The following CHST8 variants were observed in gnomAD, a reference collection of about 807,000 sequenced individuals.
CHST8 encodes GALNAC-4-ST1.
A neutral mutation model predicts 15.0 loss-of-function variants in CHST8; 10 were observed. The ratio of observed to expected loss-of-function variants is 0.67; its 90% CI spans 0.41 to 1.13. The LOEUF (loss-of-function observed/expected upper bound fraction) is 1.13. Ranked by LOEUF, CHST8 falls within the 50% of genes most tolerant of loss-of-function variation. The pLI, the probability that CHST8 is intolerant of heterozygous loss-of-function variation, is 0.00. For synonymous variants in CHST8, 259 were observed against 256.6 expected (o/e 1.01, Z -0.09); for missense variants, 634 against 608.2 (o/e 1.04, Z -0.45).
chr19:33,742,225 T>A (rs188927319), intron 3 of CHST8, among the ~76,000 whole-genome samples: 1 of 152,314 alleles, frequency 6.6e-6, no homozygotes, highest in East Asian at 1.9e-4. Context: ...TCTCCTTTGG[T>A]CACTGAGTTC....
At chr19:33,758,922 C>G (rs917076422) in intron 3 of CHST8, among the ~76,000 whole-genome samples, 11 of 146,884 alleles carry the variant, frequency 7.5e-5, no homozygotes, top group African/African-American at 2.8e-4. Flanking sequence ...GGTTTCTTGG[C>G]GGGGGGGGGC....
intron 3 of CHST8, among the ~76,000 whole-genome samples, chr19:33,730,540 T>C (rs1181172625): frequency 6.6e-6 from 1 of 152,234 alleles, no homozygotes; most frequent in Non-Finnish European, 1.5e-5. Context: ...CTCGAGTTCA[T>C]TGGATGTGTT....
intron 3 of CHST8, among the ~76,000 whole-genome samples, chr19:33,709,183 C>A (rs1266171339): frequency 6.6e-6 from 1 of 152,188 alleles, no homozygotes; most frequent in Non-Finnish European, 1.5e-5. Flanking sequence ...TTTACATCGT[C>A]ATTTCCAGCT....
In CHST8 at chr19:33,682,200, T is replaced by G. The variant is rs560554976; in HGVS notation, c.-86-6976T>G. On this transcript the variant is annotated intron_variant, in intron 2 of 4. Transcript: ENST00000650847. ...GTTTTTGTTGTTGTTTTTTTTTTTT[T>G]TTTTTTTTTTGAGACAGAGTCTCGC... 1.4e-4 allele frequency among the ~76,000 whole-genome samples: 20 copies of G among 146,136 alleles called. No homozygotes were observed. The South Asian group carries it at 3.3e-3, about 24-fold the overall frequency.
At chr19:33,701,729 T>C (rs1973340189) in intron 3 of CHST8, among the ~76,000 whole-genome samples, 1 of 152,228 alleles carries the variant, frequency 6.6e-6, no homozygotes, top group African/African-American at 2.4e-5. Context: ...TCAATGTGCA[T>C]GAAATGTAGT....
intron 1 of CHST8, among the ~76,000 whole-genome samples, chr19:33,649,540 G>A (rs1972406343): frequency 6.6e-6 from 1 of 152,166 alleles, no homozygotes; most frequent in Non-Finnish European, 1.5e-5. Context: ...TATTCAGCAA[G>A]TTACAGGAAG....
intron 3 of CHST8, among the ~76,000 whole-genome samples, chr19:33,724,393 C>A (rs188871647): frequency 6.6e-6 from 1 of 152,332 alleles, no homozygotes; most frequent in Non-Finnish European, 1.5e-5. Context: ...CCCAGTGTTC[C>A]CTCCACTTTT....
chr19:33,768,006 C>T (rs976598402), intron 3 of CHST8, among the ~76,000 whole-genome samples: 3 of 152,206 alleles, frequency 2.0e-5, no homozygotes, highest in Non-Finnish European at 2.9e-5. Context: ...GCAAACCTTC[C>T]TCATCCTCGT....
Position 33,730,257 on chromosome 19 carries a change from G to T in CHST8, c.130+40866G>T, listed in dbSNP as rs374755982. 6.4e-4 allele frequency among the ~76,000 whole-genome samples: 98 copies of T among 152,338 alleles called. 1 individual carries two copies. The highest frequency in any genetic ancestry group is 2.3e-3 in the African/African-American group (95 of 41,576). On this transcript the variant is annotated intron_variant, in intron 3 of 4. Coordinates refer to ENST00000650847, the MANE Select transcript of CHST8 (RefSeq NM_001127895.2). The stretch of plus-strand genomic sequence containing the variant: ...AAAATGACATGCTCTGCCTTCCCCT[G>T]TAAAAGGATCACTGGATGCTGTGAA...
intron 3 of CHST8, among the ~76,000 whole-genome samples, chr19:33,700,745 T>C (rs1254989737): frequency 1.3e-5 from 2 of 152,052 alleles, no homozygotes; most frequent in Non-Finnish European, 2.9e-5. Flanking sequence ...GCAGAGAGGG[T>C]GGCCAGAGCC....
intron 3 of CHST8, among the ~76,000 whole-genome samples, chr19:33,744,645 C>T (rs781177520): frequency 2.0e-5 from 3 of 152,136 alleles, no homozygotes; most frequent in Non-Finnish European, 4.4e-5. Context: ...ACTGCAGCCT[C>T]GAATGAACTC....
intron 3 of CHST8, among the ~76,000 whole-genome samples, chr19:33,728,881 A>T (rs1193345625): frequency 1.3e-5 from 2 of 152,212 alleles, no homozygotes; most frequent in African/African-American, 4.8e-5. Flanking sequence ...AGACTCAGTC[A>T]TGAGGACAGA....
rs189871042 is a variant in CHST8 at position 33,686,139 on chromosome 19, C to G, written c.-86-3037C>G. Among the ~76,000 whole-genome samples the G allele has an allele frequency of 1.2e-4, 18 of 152,126 alleles. No homozygotes were observed. The East Asian group carries it at 3.5e-3, about 30-fold the overall frequency. On this transcript the variant is annotated intron_variant, in intron 2 of 4. Coordinates refer to ENST00000650847, the MANE Select transcript of CHST8 (RefSeq NM_001127895.2). The stretch of plus-strand genomic sequence containing the variant: ...CACAGACGGCTCCAATGCCAGCTTC[C>G]CTGGGTATAGAGAGAGGGTGTTCGT...
chr19:33,689,105 C>A, intron 2 of CHST8, 71 bp from the exon 3 acceptor site: 2 of 743,440 alleles, frequency 2.7e-6, no homozygotes, highest in Non-Finnish European at 3.9e-6. Flanking sequence ...TGGATTGCTG[C>A]AGTGAGCAGG....
In CHST8 at chr19:33,773,258, T is replaced by A; in HGVS notation, c.*195T>A. On this transcript the variant is annotated 3_prime_UTR_variant, in exon 5 of 5. Coordinates refer to ENST00000650847, the MANE Select transcript of CHST8 (RefSeq NM_001127895.2). ...TGGATGGGGACCCCAGCCCCTGGCC[T>A]GTACCTGTTTCCTCATTCCTTGGCT... is the stretch of plus-strand genomic sequence containing the variant. 1 of 620,224 alleles carries A rather than the reference T, an allele frequency of 1.6e-6. No homozygotes were observed. Among genetic ancestry groups the A allele is most frequent in the Non-Finnish European group, 2.8e-6 (1 of 361,424 alleles). 38.4% of individuals were successfully genotyped at this position (620,224 alleles called of 1,614,324 possible).
Position 33,621,960 on chromosome 19 carries a change from T to C in CHST8, c.-500T>C, listed in dbSNP as rs1971987559. The C allele has an allele frequency of 6.6e-6, 1 of 151,810 alleles. No individual in the cohort carries two copies. Among genetic ancestry groups the C allele is most frequent in the African/African-American group, 2.4e-5 (1 of 41,330 alleles). The allele number at this position is 151,810 out of a possible 1,614,324, so 9.4% of individuals were successfully genotyped here. A position where few individuals can be genotyped will look rare whatever the true frequency, so the allele number is the denominator to read the frequency against. ...GCCGGAGGCTTCGCTCTCACTTCGC[T>C]GGGAGCCTTCCCGGCGCGCAAGCCG... is the stretch of plus-strand genomic sequence containing the variant. On this transcript the variant is annotated 5_prime_UTR_variant, in exon 1 of 5. Coordinates refer to ENST00000650847, the MANE Select transcript of CHST8 (RefSeq NM_001127895.2).
intron 1 of CHST8, among the ~76,000 whole-genome samples, chr19:33,665,990 G>A (rs1972653832): frequency 6.6e-6 from 1 of 152,240 alleles, no homozygotes; most frequent in Non-Finnish European, 1.5e-5. Flanking sequence ...CAGGCCTCTG[G>A]CTCCGGGACG....
At chr19:33,707,510 C>G (rs1973469789) in intron 3 of CHST8, among the ~76,000 whole-genome samples, 1 of 152,180 alleles carries the variant, frequency 6.6e-6, no homozygotes, top group South Asian at 2.1e-4. Context: ...TAATCATACA[C>G]TGTGTGGTCT....
chr19:33,651,393 A>G (rs1224010454), intron 1 of CHST8, among the ~76,000 whole-genome samples: 1 of 152,078 alleles, frequency 6.6e-6, no homozygotes, highest in Non-Finnish European at 1.5e-5. Context: ...GTCCTATATT[A>G]CTAGTGTTTA....
Sources: gnomAD v4.1 joint callset for allele counts (sites outside exome capture counted in the v4.1 genomes callset) on GRCh38, gnomAD v4.1.1 for gene constraint, MANE v1.5 for transcripts, NCBI Gene and HGNC (gene_info 2026-07-23, HGNC 2026-07-21) for gene names.